C19orf47: variants seen among roughly 807,000 people sequenced by gnomAD.
The protein encoded by C19orf47 is uncharacterized protein C19orf47.
A neutral mutation model predicts 32.3 loss-of-function variants in C19orf47; 18 were observed. The ratio of observed to expected loss-of-function variants is 0.56; its 90% CI spans 0.39 to 0.83. The LOEUF is 0.83. Ranked by LOEUF, C19orf47 falls within the 40% of genes least tolerant of loss-of-function variation. The probability of loss-of-function intolerance (pLI) is 0.00; values close to 1 mark genes in which losing one functional copy is unlikely to be tolerated. For missense variants in C19orf47, 484 were observed against 531.6 expected, an observed-to-expected ratio of 0.91 and a Z score of 0.88; for synonymous variants, 202 against 211.1, an observed-to-expected ratio of 0.96 and a Z score of 0.37.
At chr19:40,308,289 G>A in the C19orf47 span, among the ~76,000 whole-genome samples, 2 of 151,916 alleles carry the variant, frequency 1.3e-5, no homozygotes, top group Non-Finnish European at 2.9e-5. Context: ...CAGAGTAGCT[G>A]GGATTACAGG....
intron 1 of C19orf47, 43 bp downstream of exon 1, chr19:40,348,281 A>C: frequency 7.8e-7 from 1 of 1,284,012 alleles, no homozygotes; most frequent in Non-Finnish European, 1.0e-6. Flanking sequence ...ACCCGTCCCT[A>C]CCGCAACCGG....
chr19:40,322,919 A>C (rs1417874480), intron 8 of C19orf47, among the ~76,000 whole-genome samples: 1 of 152,222 alleles, frequency 6.6e-6, no homozygotes, highest in Non-Finnish European at 1.5e-5. Context: ...CGCATTCTAG[A>C]CGGAGAAGGA....
chr19:40,328,389 T>C, intron 6 of C19orf47, 24 bp downstream of exon 6: 4 of 1,610,682 alleles, frequency 2.5e-6, no homozygotes, highest in Non-Finnish European at 3.4e-6. Flanking sequence ...CAGCTCCTCC[T>C]ACCACCTGCC....
At chr19:40,324,400 A>G (rs2077785898) in intron 7 of C19orf47, 1 of 392,808 alleles carries the variant, frequency 2.5e-6, no homozygotes, top group Non-Finnish European at 4.7e-6. Context: ...CTCTGAGAGA[A>G]TCTGATGAGT....
At chr19:40,311,015 A>T in the C19orf47 span, among the ~76,000 whole-genome samples, 2 of 152,164 alleles carry the variant, frequency 1.3e-5, no homozygotes, top group Non-Finnish European at 1.5e-5. Flanking sequence ...AGGTGAGCGG[A>T]TTGCTTGAGT....
intron 2 of C19orf47, among the ~76,000 whole-genome samples, chr19:40,338,682 A>AT (rs1462938647): frequency 6.6e-6 from 1 of 151,520 alleles, no homozygotes; most frequent in Admixed American, 6.6e-5. Flanking sequence ...CGCCCCCGGC[A>AT]TTTTTTTGTA....
At chr19:40,322,813 CA>C (rs2077748810) in intron 8 of C19orf47, among the ~76,000 whole-genome samples, 1 of 152,234 alleles carries the variant, frequency 6.6e-6, no homozygotes, top group Non-Finnish European at 1.5e-5. Context: ...ATGACCAAGA[CA>C]GCCTCAGCGC....
chr19:40,309,193 C>T, the C19orf47 span, among the ~76,000 whole-genome samples: 3 of 141,734 alleles, frequency 2.1e-5, no homozygotes, highest in Admixed American at 7.1e-5. Flanking sequence ...TTCTCTCTCT[C>T]TTTTTTTTTT....
chr19:40,318,384 A>C (rs1044632472), downstream of C19orf47, among the ~76,000 whole-genome samples: 12 of 152,102 alleles, frequency 7.9e-5, no homozygotes, highest in Non-Finnish European at 1.0e-4. Flanking sequence ...TGTAAAGCGC[A>C]ACAATAAGAG....
chr19:40,326,280 G>A, intron 7 of C19orf47, 54 bp downstream of exon 7: 1 of 1,602,606 alleles, frequency 6.2e-7, no homozygotes, highest in East Asian at 2.2e-5. Flanking sequence ...CCTGTGTGAT[G>A]CAGAGGGAGG....
At chr19:40,323,746 G>A (rs2077769384) in intron 8 of C19orf47, among the ~76,000 whole-genome samples, 1 of 152,152 alleles carries the variant, frequency 6.6e-6, no homozygotes, top group Non-Finnish European at 1.5e-5. Flanking sequence ...CTGACTTGGG[G>A]AAAGACACTA....
intron 1 of C19orf47, 56 bp from the exon 2 acceptor site, chr19:40,341,946 C>G: frequency 6.5e-7 from 1 of 1,535,844 alleles, no homozygotes; most frequent in Non-Finnish European, 8.7e-7. Context: ...GAGTGTTTGT[C>G]CCTCTCCTGT....
chr19:40,341,603 C>T (rs915451817), intron 2 of C19orf47, among the ~76,000 whole-genome samples: 1 of 152,144 alleles, frequency 6.6e-6, no homozygotes, highest in South Asian at 2.1e-4. Flanking sequence ...GGGAGACCTG[C>T]TGGACTTCAT....
At chr19:40,346,621 G>C (rs2078294452) in intron 1 of C19orf47, among the ~76,000 whole-genome samples, 4 of 149,620 alleles carry the variant, frequency 2.7e-5, no homozygotes, top group Non-Finnish European at 4.4e-5. Context: ...CTGCCTCCCA[G>C]GTTCAAGCAA....
chr19:40,342,977 T>C (rs951728369), intron 1 of C19orf47, among the ~76,000 whole-genome samples: 5 of 152,150 alleles, frequency 3.3e-5, no homozygotes, highest in African/African-American at 4.8e-5. Flanking sequence ...AGAAAGGTGG[T>C]GTTAAGGACA....
Position 40,321,825 on chromosome 19 carries a change from G to A in C19orf47, c.*57C>T. 6.8e-7 allele frequency: 1 copy of A among 1,464,638 alleles called. No individual in the cohort carries two copies. Among genetic ancestry groups the A allele is most frequent in the Non-Finnish European group, 9.0e-7 (1 of 1,110,480 alleles). The allele number at this position is 1,464,638 out of a possible 1,614,324, so 90.7% of individuals were successfully genotyped here. ...GAGGCGTGATGAAGCCAGGAGCCTG[G>A]GGCGGCCAGGGCAGATGCCCGCAGG... On this transcript the variant is annotated 3_prime_UTR_variant, in exon 9 of 9. Coordinates refer to ENST00000683109, the MANE Select transcript of C19orf47 (RefSeq NM_001256441.2).
Position 40,326,431 on chromosome 19 carries a change from C to T in C19orf47, c.495G>A (p.Arg165=), listed in dbSNP as rs764707937. ...ACTTCCCCTCCATCTCAGCAGTGAC[C>T]CGGCGCCGCTTGGCAGGAACAGCCA... is the stretch of plus-strand genomic sequence containing the variant. ...ESLAVPAKRR[R]VTAEMEGKYV... is the part of the protein sequence containing the mutation. Residue 165 remains arginine, a synonymous_variant, in exon 7 of 9, where the codon CGG becomes CGA. Transcript: ENST00000683109. 6.2e-7 allele frequency: 1 copy of T among 1,614,142 alleles called. No homozygotes were observed. Among genetic ancestry groups the T allele is most frequent in the Non-Finnish European group, 8.5e-7 (1 of 1,180,038 alleles).
downstream of C19orf47, among the ~76,000 whole-genome samples, chr19:40,314,690 G>A (rs2077650867): frequency 6.6e-6 from 1 of 152,188 alleles, no homozygotes; most frequent in Non-Finnish European, 1.5e-5. Context: ...CAAGGAGATG[G>A]AGCATAAACC....
chr19:40,303,107 A>G, the C19orf47 span, among the ~76,000 whole-genome samples: 1 of 152,076 alleles, frequency 6.6e-6, no homozygotes, highest in Admixed American at 6.6e-5. Context: ...GGGTGCCTGT[A>G]ATCCCAGCTA....
Sources: allele counts gnomAD v4.1 joint callset (sites outside exome capture counted in the v4.1 genomes callset), GRCh38; gene constraint gnomAD v4.1.1; transcripts MANE v1.5; gene names NCBI Gene and HGNC (gene_info 2026-07-23, HGNC 2026-07-21).